Variants in RAB3D observed in about 807,000 individuals in gnomAD.
RAB3D encodes the protein RAB3D, member RAS oncogene family.
A neutral mutation model predicts 19.3 loss-of-function variants in RAB3D; 17 were observed. The observed-to-expected ratio is 0.88, with a 90% confidence interval of 0.60 to 1.32. The LOEUF (loss-of-function observed/expected upper bound fraction) is 1.32, where lower values mean the gene tolerates loss of function less well. RAB3D is among the 40% of genes most tolerant of loss of function. The probability of loss-of-function intolerance (pLI) is 0.00; values close to 1 mark genes in which losing one functional copy is unlikely to be tolerated. For missense variants in RAB3D, 223 were observed against 299.1 expected (o/e 0.75, Z 1.88); for synonymous variants, 103 against 119.9 (o/e 0.86, Z 0.92).
chr19:11,332,538 G>T (rs2080838887), intron 4 of RAB3D, among the ~76,000 whole-genome samples: 1 of 152,118 alleles, frequency 6.6e-6, no homozygotes, highest in African/African-American at 2.4e-5. Flanking sequence ...TAGAGACAGG[G>T]TTTACCATGT....
In RAB3D at chr19:11,329,987, T is replaced by G. The variant is rs1451518856; in HGVS notation, c.473-4402A>C. Among the ~76,000 whole-genome samples the G allele has an allele frequency of 3.3e-5, 5 of 152,174 alleles. No individual in the cohort carries two copies. The South Asian group carries it at 1.0e-3, about 32-fold the overall frequency. On this transcript the variant is annotated intron_variant, in intron 4 of 4. Transcript: ENST00000222120. ...GTGAGCCACCGAACCTGGCCTGTAC[T>G]CCAATATTTTAAACATAATAACAGA...
chr19:11,338,394 G>C (rs1966918114), intron 1 of RAB3D, among the ~76,000 whole-genome samples: 1 of 152,140 alleles, frequency 6.6e-6, no homozygotes, highest in Non-Finnish European at 1.5e-5. Context: ...GGGGTGGGGT[G>C]GGGGGAGGAC....
chr19:11,331,519 C>T (rs1277067041), intron 4 of RAB3D, among the ~76,000 whole-genome samples: 1 of 151,602 alleles, frequency 6.6e-6, no homozygotes, highest in African/African-American at 2.4e-5. Context: ...CCAGCCTGGG[C>T]AATATAGTGA....
At chr19:11,326,848 G>A in intron 4 of RAB3D, 2 of 653,022 alleles carry the variant, frequency 3.1e-6, no homozygotes, top group East Asian at 3.0e-5. Flanking sequence ...GGCCTAAAGC[G>A]ATCCCCCCGC....
chr19:11,331,774 G>C (rs111876310), intron 4 of RAB3D, among the ~76,000 whole-genome samples: 16 of 151,560 alleles, frequency 1.1e-4, no homozygotes, highest in African/African-American at 3.4e-4. Flanking sequence ...TCACACCACT[G>C]TACTCCAGCC....
Position 11,322,246 on chromosome 19 carries a change from C to T in RAB3D, c.*3152G>A, listed in dbSNP as rs1200044055. On this transcript the variant is annotated 3_prime_UTR_variant, in exon 5 of 5. Coordinates refer to ENST00000222120, the MANE Select transcript of RAB3D (RefSeq NM_004283.4). ...GCCGGTAGCAGAATTATCCCGTTAA[C>T]ACTGAGACCACATTTCACCTGTTAC... 6.6e-6 allele frequency: 1 copy of T among 152,000 alleles called. No individual in the cohort carries two copies. The highest frequency in any genetic ancestry group is 2.4e-5 in the African/African-American group (1 of 41,384). 9.4% of individuals were successfully genotyped at this position (152,000 alleles called of 1,614,324 possible). A position where few individuals can be genotyped will look rare whatever the true frequency, so the allele number is the denominator to read the frequency against.
Position 11,325,494 on chromosome 19 carries a change from G to A in RAB3D, c.564C>T (p.Asn188=), listed in dbSNP as rs562084116. The A allele has an allele frequency of 4.1e-5, 66 of 1,613,496 alleles. No individual in the cohort carries two copies. Among genetic ancestry groups the A allele is most frequent in the Non-Finnish European group, 4.9e-5 (58 of 1,180,002 alleles). ...RLVDVICEKM[N]ESLEPSSSSG... is the part of the protein sequence containing the mutation. ...AGCTGGAGCTGGGTTCCAGGGACTC[G>A]TTCATCTTCTCGCAGATGACATCCA... Residue 188 remains asparagine, a synonymous_variant, in exon 5 of 5, where the codon AAC becomes AAT. Transcript: ENST00000222120.
intron 2 of RAB3D, among the ~76,000 whole-genome samples, chr19:11,336,276 G>A (rs933933944): frequency 1.3e-5 from 2 of 152,078 alleles, no homozygotes; most frequent in African/African-American, 4.8e-5. Context: ...ACTCTTCCCT[G>A]TTGGTCACCA....
chr19:11,336,275 T>C (rs172731), intron 2 of RAB3D, among the ~76,000 whole-genome samples: 66,263 of 151,948 alleles, frequency 0.44, 14,913 homozygotes, highest in African/African-American at 0.54. Flanking sequence ...AACTCTTCCC[T>C]GTTGGTCACC....
At chr19:11,331,442 C>T (rs1159613308) in intron 4 of RAB3D, among the ~76,000 whole-genome samples, 2 of 150,672 alleles carry the variant, frequency 1.3e-5, no homozygotes, top group Non-Finnish European at 3.0e-5. Flanking sequence ...TGCCGTGGCT[C>T]ATGCCTGTAA....
At chr19:11,325,919 T>A (rs1172254459) in intron 4 of RAB3D, among the ~76,000 whole-genome samples, 3 of 151,698 alleles carry the variant, frequency 2.0e-5, no homozygotes, top group African/African-American at 7.3e-5. Context: ...ACAATAAATT[T>A]TTTTAAAAAG....
At chr19:11,326,255 C>G (rs947044747) in intron 4 of RAB3D, among the ~76,000 whole-genome samples, 4 of 151,780 alleles carry the variant, frequency 2.6e-5, no homozygotes, top group Admixed American at 1.3e-4. Context: ...GTGGCGTTCA[C>G]CTGCAGTCTC....
rs536526435 is a variant in RAB3D at position 11,336,458 on chromosome 19, G to C, written c.229-675C>G. Among the ~76,000 whole-genome samples the C allele has an allele frequency of 6.6e-5, 10 of 152,124 alleles. No homozygotes were observed. The South Asian group carries it at 8.3e-4, about 13-fold the overall frequency. On this transcript the variant is annotated intron_variant, in intron 2 of 4. Coordinates refer to ENST00000222120, the MANE Select transcript of RAB3D (RefSeq NM_004283.4). ...TGAATAGCTGAGACTACAGGCGGGAGCTACCATGCTGGGCTAATGTTTAAA... is the reference window on the plus strand; with the variant it reads ...TGAATAGCTGAGACTACAGGCGGGACCTACCATGCTGGGCTAATGTTTAAA...
At chr19:11,331,124 T>TCTA (rs1228322283) in intron 4 of RAB3D, among the ~76,000 whole-genome samples, 1 of 151,860 alleles carries the variant, frequency 6.6e-6, no homozygotes, top group East Asian at 1.9e-4. Flanking sequence ...AAACCCCATC[T>TCTA]CTACTAAAGA....
At chr19:11,326,050 A>G (rs1172529225) in intron 4 of RAB3D, among the ~76,000 whole-genome samples, 1 of 151,994 alleles carries the variant, frequency 6.6e-6, no homozygotes, top group African/African-American at 2.4e-5. Flanking sequence ...GTGAAACCCC[A>G]TCTCTACTAA....
At chr19:11,337,060 C>T in intron 2 of RAB3D, 112 bp downstream of exon 2, 1 of 920,488 alleles carries the variant, frequency 1.1e-6, no homozygotes, top group South Asian at 1.6e-5. Context: ...CGCCACTGCC[C>T]TCCAGCCTGG....
At chr19:11,333,526 T>A (rs578232347) in intron 4 of RAB3D, among the ~76,000 whole-genome samples, 1 of 152,274 alleles carries the variant, frequency 6.6e-6, no homozygotes, top group African/African-American at 2.4e-5. Context: ...TGGAAAGAGA[T>A]ACAAGAATCA....
At chr19:11,337,671 C>CTTT (rs562747979) in intron 1 of RAB3D, among the ~76,000 whole-genome samples, 1 of 138,808 alleles carries the variant, frequency 7.2e-6, no homozygotes. Context: ...TTCTTTCTTT[C>CTTT]TTTTTTTTTT....
chr19:11,329,007 C>G (rs2080826437), intron 4 of RAB3D, among the ~76,000 whole-genome samples: 1 of 150,082 alleles, frequency 6.7e-6, no homozygotes, highest in South Asian at 2.1e-4. Flanking sequence ...TCATAACTCA[C>G]TACGGCCTTG....
Sources: gnomAD v4.1 joint callset for allele counts (sites outside exome capture counted in the v4.1 genomes callset) on GRCh38, gnomAD v4.1.1 for gene constraint, MANE v1.5 for transcripts, NCBI Gene and HGNC (gene_info 2026-07-23, HGNC 2026-07-21) for gene names.